The following ANKRD44 variants were observed in gnomAD, a reference collection of about 807,000 sequenced individuals.
ANKRD44 encodes the protein ankyrin repeat domain 44.
ANKRD44 carries 35 observed loss-of-function variants against 116.0 expected under a neutral mutation model. The ratio of observed to expected loss-of-function variants is 0.30; its 90% CI spans 0.23 to 0.40. The LOEUF is 0.40. Among genes scored for constraint, ANKRD44 ranks in the 10% least tolerant of loss-of-function variants. The pLI, the probability that ANKRD44 is intolerant of heterozygous loss-of-function variation, is 1.00. For synonymous variants in ANKRD44, 435 were observed against 461.8 expected, an observed-to-expected ratio of 0.94 and a Z score of 0.74; for missense variants, 1,014 against 1,242.6, an observed-to-expected ratio of 0.82 and a Z score of 2.77.
intron 2 of ANKRD44, among the ~76,000 whole-genome samples, chr2:197,149,460 TG>T (rs1413110518): frequency 2.6e-5 from 4 of 152,228 alleles, no homozygotes; most frequent in African/African-American, 9.6e-5. Context: ...GCATGAATAC[TG>T]TAAAAATTCT....
Position 197,005,845 on chromosome 2 carries a change from T to C in ANKRD44, c.2196A>G (p.Lys732=). Residue 732 remains lysine, a synonymous_variant, in exon 21 of 28, where the codon AAA becomes AAG. Coordinates refer to ENST00000282272, the MANE Select transcript of ANKRD44 (RefSeq NM_001195144.2). ...LLEQEVSILC[K]DSRGRTPLHY... ...GCAAGGGCGTCCTCCCTCTGGAATCTTTACAGAGAATTGACACTTCTTGTT... is the reference window on the plus strand; with the variant it reads ...GCAAGGGCGTCCTCCCTCTGGAATCCTTACAGAGAATTGACACTTCTTGTT... 3.1e-6 allele frequency: 5 copies of C among 1,614,280 alleles called. No homozygotes were observed. Among genetic ancestry groups the C allele is most frequent in the Non-Finnish European group, 4.2e-6 (5 of 1,180,046 alleles).
intron 2 of ANKRD44, among the ~76,000 whole-genome samples, chr2:197,179,998 C>T: frequency 6.6e-6 from 1 of 152,020 alleles, no homozygotes; most frequent in South Asian, 2.1e-4. Context: ...GAGATGGGCA[C>T]CTACCCTCAA....
At chr2:197,003,207 A>G (rs2076144871) in intron 21 of ANKRD44, among the ~76,000 whole-genome samples, 1 of 151,826 alleles carries the variant, frequency 6.6e-6, no homozygotes, top group African/African-American at 2.4e-5. Flanking sequence ...GCTACTCGGG[A>G]GGCTGAGGCA....
At chr2:197,118,969 T>C (rs1359279370) in intron 8 of ANKRD44, among the ~76,000 whole-genome samples, 1 of 152,182 alleles carries the variant, frequency 6.6e-6, no homozygotes, top group Non-Finnish European at 1.5e-5. Flanking sequence ...TAATGTATTT[T>C]TTATTCTCTC....
intron 16 of ANKRD44, among the ~76,000 whole-genome samples, chr2:197,057,389 G>C (rs1158623111): frequency 1.4e-4 from 22 of 152,044 alleles, no homozygotes; most frequent in Admixed American, 1.4e-3. Context: ...ATTTGGTTTA[G>C]AATTGTCAGT....
chr2:196,981,465 TC>T (rs1337104896), intron 21 of ANKRD44, among the ~76,000 whole-genome samples: 4 of 152,278 alleles, frequency 2.6e-5, no homozygotes, highest in African/African-American at 9.6e-5. Context: ...TCAGTAACCC[TC>T]CTCTGTTACT....
At chr2:197,007,743 C>G in intron 20 of ANKRD44, 63 bp downstream of exon 20, 1 of 1,109,140 alleles carries the variant, frequency 9.0e-7, no homozygotes, top group Non-Finnish European at 1.3e-6. Flanking sequence ...TAATTGTTTG[C>G]TAAAAAAGAA....
At chr2:197,301,998 G>A (rs181387532) in intron 1 of ANKRD44, among the ~76,000 whole-genome samples, 46 of 152,346 alleles carry the variant, frequency 3.0e-4, no homozygotes, top group African/African-American at 1.1e-3. Context: ...GGTAACATCT[G>A]AGGAAAGACC....
intron 19 of ANKRD44, 135 bp downstream of exon 19, chr2:197,008,809 T>G: frequency 1.4e-6 from 1 of 716,436 alleles, no homozygotes; most frequent in South Asian, 1.7e-5. Flanking sequence ...GCCACCTCAT[T>G]GTGTATTGGT....
chr2:197,295,003 G>T (rs2083676697), intron 1 of ANKRD44, among the ~76,000 whole-genome samples: 1 of 152,104 alleles, frequency 6.6e-6, no homozygotes, highest in African/African-American at 2.4e-5. Context: ...TAAACATATG[G>T]CTTCCTTCTC....
At chr2:197,166,059 A>G (rs921904366) in intron 2 of ANKRD44, among the ~76,000 whole-genome samples, 7 of 152,120 alleles carry the variant, frequency 4.6e-5, no homozygotes, top group African/African-American at 1.4e-4. Flanking sequence ...TAAAAGTTGA[A>G]CCCTAAATCT....
chr2:197,163,503 G>A (rs1054960734), intron 2 of ANKRD44, among the ~76,000 whole-genome samples: 1 of 152,160 alleles, frequency 6.6e-6, no homozygotes, highest in Non-Finnish European at 1.5e-5. Flanking sequence ...CCCAACATGC[G>A]CATGAAAAAA....
At chr2:197,186,928 C>G in intron 2 of ANKRD44, 95 bp downstream of exon 2, 2 of 950,076 alleles carry the variant, frequency 2.1e-6, no homozygotes, top group Non-Finnish European at 3.3e-6. Context: ...GGAGCTTTCA[C>G]CAGATATCAA....
intron 1 of ANKRD44, among the ~76,000 whole-genome samples, chr2:197,226,420 C>T (rs889287247): frequency 6.6e-6 from 1 of 152,180 alleles, no homozygotes; most frequent in Non-Finnish European, 1.5e-5. Flanking sequence ...AATCCTAGTA[C>T]TTTGAGAGAC....
intron 1 of ANKRD44, among the ~76,000 whole-genome samples, chr2:197,257,857 C>T (rs796341449): frequency 5.4e-4 from 83 of 152,326 alleles, no homozygotes; most frequent in African/African-American, 1.9e-3. Context: ...CTAGCCCATA[C>T]TGAAACTCCG....
intron 5 of ANKRD44, among the ~76,000 whole-genome samples, 163 bp from the exon 6 acceptor site, chr2:197,125,631 CAT>C (rs1290698367): frequency 1.3e-5 from 2 of 152,212 alleles, no homozygotes; most frequent in Non-Finnish European, 2.9e-5. Context: ...GGACATGTGT[CAT>C]GTGTGTCAGA....
rs540930721 is a variant in ANKRD44, at chr2:197,232,833, C to T, written c.28-45727G>A. Among the ~76,000 whole-genome samples, 3 of 152,340 alleles carry T rather than the reference C, an allele frequency of 2.0e-5. No individual in the cohort carries two copies. The East Asian group carries it at 5.8e-4, about 29-fold the overall frequency. On this transcript the variant is annotated intron_variant, in intron 1 of 27. Coordinates refer to ENST00000282272, the MANE Select transcript of ANKRD44 (RefSeq NM_001195144.2). Reference sequence around the variant, plus strand: ...CATAAGAGAGCAGAACTCTCACGCACTTCTCACAAGCATACCAAGAAGAGA... The same window carrying T: ...CATAAGAGAGCAGAACTCTCACGCATTTCTCACAAGCATACCAAGAAGAGA...
chr2:196,972,702 C>T (rs372367939), intron 21 of ANKRD44, among the ~76,000 whole-genome samples: 4 of 152,158 alleles, frequency 2.6e-5, no homozygotes, highest in Admixed American at 6.5e-5. Flanking sequence ...GCCTACTAGT[C>T]GGTGTCTCTT....
At chr2:196,968,050 C>A (rs981537078) in intron 21 of ANKRD44, among the ~76,000 whole-genome samples, 1 of 152,148 alleles carries the variant, frequency 6.6e-6, no homozygotes, top group African/African-American at 2.4e-5. Flanking sequence ...CAGCACCACA[C>A]TTCCGGTAAA....
Sources: gnomAD v4.1 joint callset for allele counts (sites outside exome capture counted in the v4.1 genomes callset) on GRCh38, gnomAD v4.1.1 for gene constraint, MANE v1.5 for transcripts, NCBI Gene and HGNC (gene_info 2026-07-23, HGNC 2026-07-21) for gene names.